SRGAP3: variants seen among roughly 807,000 people sequenced by gnomAD.
SRGAP3 encodes SLIT-ROBO Rho GTPase-activating protein 3.
SRGAP3 carries 39 observed loss-of-function variants against 121.1 expected under a neutral mutation model. The ratio of observed to expected loss-of-function variants is 0.32; its 90% CI spans 0.25 to 0.42. The LOEUF is 0.42. SRGAP3 is among the 10% of genes least tolerant of loss of function. SRGAP3 has a pLI of 1.00. For synonymous variants in SRGAP3, 601 were observed against 570.0 expected, an observed-to-expected ratio of 1.05 and a Z score of -0.77; for missense variants, 1,213 against 1,470.6, an observed-to-expected ratio of 0.82 and a Z score of 2.86.
rs149874214 is a variant in SRGAP3, at chr3:9,316,815, T to C, written n.442+9195A>G. On this transcript the variant is annotated intron_variant and non_coding_transcript_variant, in intron 3 of 3. Transcript: ENST00000490889. ...AACATTAAAGAAATACTTGATTTGA[T>C]AATTGTTCTGCCCCCTTAACTACTC... 5.4e-3 allele frequency among the ~76,000 whole-genome samples: 818 copies of C among 152,290 alleles called. 9 individuals are homozygous for C. The highest frequency in any genetic ancestry group is 0.019 in the African/African-American group (772 of 41,572).
intron 1 of SRGAP3, among the ~76,000 whole-genome samples, chr3:9,222,562 G>A (rs768469745): frequency 6.6e-6 from 1 of 152,200 alleles, no homozygotes; most frequent in Non-Finnish European, 1.5e-5. Flanking sequence ...ACTCCTGCAC[G>A]TTGCTGATTC....
At chr3:9,201,765 G>C (rs1051238844) in intron 1 of SRGAP3, among the ~76,000 whole-genome samples, 1 of 152,212 alleles carries the variant, frequency 6.6e-6, no homozygotes, top group East Asian at 1.9e-4. Flanking sequence ...ACAGAGACTT[G>C]AGTGCTACTG....
intron 1 of SRGAP3, among the ~76,000 whole-genome samples, chr3:9,155,595 G>A (rs1024607968): frequency 1.3e-5 from 2 of 151,766 alleles, no homozygotes; most frequent in Admixed American, 6.6e-5. Context: ...TCATTGCCCC[G>A]GGTTGGGTCT....
intron 11 of SRGAP3, chr3:9,034,711 A>G (rs1487831509): frequency 6.6e-6 from 1 of 152,074 alleles, no homozygotes; most frequent in African/African-American, 2.4e-5. Flanking sequence ...CATGTCATTT[A>G]TTTTTCAAAA....
intron 1 of SRGAP3, among the ~76,000 whole-genome samples, chr3:9,221,374 A>G (rs780418547): frequency 2.0e-5 from 3 of 152,122 alleles, no homozygotes; most frequent in Non-Finnish European, 4.4e-5. Context: ...CTACAAAAAC[A>G]TTTTTAAAAG....
At chr3:9,361,892 A>T (rs2596923) in intron 1 of SRGAP3, among the ~76,000 whole-genome samples, 19,669 of 152,172 alleles carry the variant, frequency 0.13, 2,190 homozygotes, top group East Asian at 0.34. Flanking sequence ...GTCAAGCGGT[A>T]GAAAACTCTA....
intron 6 of SRGAP3, chr3:9,059,345 A>G (rs1360629127): frequency 6.6e-6 from 1 of 152,292 alleles, no homozygotes; most frequent in African/African-American, 2.4e-5. Flanking sequence ...AGGGCAAAAA[A>G]AGAAAGCGAA....
intron 2 of SRGAP3, among the ~76,000 whole-genome samples, chr3:9,329,702 A>G (rs1322779858): frequency 6.6e-6 from 1 of 152,296 alleles, no homozygotes; most frequent in South Asian, 2.1e-4. Flanking sequence ...GCAACACTGA[A>G]AAGTTCAGGT....
intron 2 of SRGAP3, among the ~76,000 whole-genome samples, chr3:9,122,230 T>C (rs1327850827): frequency 6.6e-6 from 1 of 152,246 alleles, no homozygotes; most frequent in East Asian, 1.9e-4. Context: ...GCAGTGGGAC[T>C]ATGAATGATA....
chr3:9,026,831 T>C (rs1160319972), intron 13 of SRGAP3, 104 bp downstream of exon 13: 2 of 1,277,160 alleles, frequency 1.6e-6, no homozygotes, highest in South Asian at 1.2e-5. Flanking sequence ...AGCAGAGCTG[T>C]GACGGGAAGT....
intron 3 of SRGAP3, among the ~76,000 whole-genome samples, chr3:9,096,737 G>T (rs1947981765): frequency 1.3e-5 from 2 of 151,354 alleles, no homozygotes; most frequent in Non-Finnish European, 2.9e-5. Context: ...TCAGTGAGTG[G>T]TTCCTGAGCA....
chr3:9,006,602 T>C lies in SRGAP3; in HGVS notation c.2227+3706A>G, dbSNP rs1198320979. ...TCTGTACAATACCATTTATATGAAATTGTAAACAGACCAACAGGGGGAGGA... is the reference window on the plus strand; with the variant it reads ...TCTGTACAATACCATTTATATGAAACTGTAAACAGACCAACAGGGGGAGGA... On this transcript the variant is annotated intron_variant, in intron 18 of 21. Coordinates refer to ENST00000383836, the MANE Select transcript of SRGAP3 (RefSeq NM_014850.4). Among the ~76,000 whole-genome samples the C allele has an allele frequency of 6.6e-5, 10 of 152,234 alleles. No homozygotes were observed. In the South Asian group the frequency reaches 1.9e-3, roughly 28 times the overall value.
chr3:9,006,398 CAAA>C (rs71049762), intron 18 of SRGAP3, among the ~76,000 whole-genome samples: 10 of 122,966 alleles, frequency 8.1e-5, no homozygotes, highest in Non-Finnish European at 8.5e-5. Flanking sequence ...GACTCTGTCT[CAAA>C]AAAAAAAAAA....
intron 1 of SRGAP3, among the ~76,000 whole-genome samples, chr3:9,134,084 G>C (rs928003652): frequency 6.6e-6 from 1 of 152,198 alleles, no homozygotes; most frequent in African/African-American, 2.4e-5. Flanking sequence ...CATTAGGAAC[G>C]CCAGCAACTT....
At chr3:9,177,086 G>A (rs1453226263) in intron 1 of SRGAP3, among the ~76,000 whole-genome samples, 3 of 152,120 alleles carry the variant, frequency 2.0e-5, no homozygotes, top group African/African-American at 4.8e-5. Flanking sequence ...CTGGCTCTAG[G>A]GAAGTGTATG....
chr3:9,061,737 G>A (rs1458871179), intron 5 of SRGAP3, among the ~76,000 whole-genome samples: 1 of 152,170 alleles, frequency 6.6e-6, no homozygotes. Context: ...AGGACAGGAG[G>A]GAGGGAGGAT....
chr3:9,102,875 T>A (rs1370615734), intron 3 of SRGAP3, among the ~76,000 whole-genome samples: 1 of 152,212 alleles, frequency 6.6e-6, no homozygotes, highest in Non-Finnish European at 1.5e-5. Context: ...AAGGCCTTGA[T>A]GACCCTTTCT....
At chr3:9,183,692 G>A (rs418207) in intron 1 of SRGAP3, among the ~76,000 whole-genome samples, 61,004 of 151,480 alleles carry the variant, frequency 0.4, 12,608 homozygotes, top group African/African-American at 0.5. Flanking sequence ...AAGAACACAC[G>A]GCTCCCTAGG....
intron 2 of SRGAP3, among the ~76,000 whole-genome samples, chr3:9,117,012 C>G (rs188826930): frequency 6.6e-6 from 1 of 152,304 alleles, no homozygotes; most frequent in African/African-American, 2.4e-5. Flanking sequence ...ACCTGCACAG[C>G]ACAGGCACCA....
Sources: allele counts gnomAD v4.1 joint callset (sites outside exome capture counted in the v4.1 genomes callset), GRCh38; gene constraint gnomAD v4.1.1; transcripts MANE v1.5; gene names NCBI Gene and HGNC (gene_info 2026-07-23, HGNC 2026-07-21).